Variants in SMOC2 observed in about 807,000 individuals in gnomAD.
The protein encoded by SMOC2 is SPARC-related modular calcium-binding protein 2.
A neutral mutation model predicts 61.4 loss-of-function variants in SMOC2; 39 were observed. The ratio of observed to expected loss-of-function variants is 0.64; its 90% CI spans 0.49 to 0.83. SMOC2 has a LOEUF of 0.83. Ranked by LOEUF, SMOC2 falls within the 40% of genes least tolerant of loss-of-function variation. The pLI, the probability that SMOC2 is intolerant of heterozygous loss-of-function variation, is 0.00. For missense variants in SMOC2, 556 were observed against 592.9 expected (o/e 0.94, Z 0.65); for synonymous variants, 247 against 239.9 (o/e 1.03, Z -0.27).
intron 7 of SMOC2, among the ~76,000 whole-genome samples, chr6:168,580,468 T>G (rs1784895906): frequency 6.6e-6 from 1 of 152,190 alleles, no homozygotes; most frequent in Non-Finnish European, 1.5e-5. Context: ...CTTTCCTGGC[T>G]CTGTGATCTT....
At chr6:168,528,978 G>T (rs565931920) in intron 4 of SMOC2, among the ~76,000 whole-genome samples, 1 of 152,150 alleles carries the variant, frequency 6.6e-6, no homozygotes, top group Non-Finnish European at 1.5e-5. Context: ...CTTGTTTTAC[G>T]AAGGGGAAAG....
chr6:168,477,263 G>T (rs1288950109), intron 1 of SMOC2, among the ~76,000 whole-genome samples: 1 of 152,176 alleles, frequency 6.6e-6, no homozygotes, highest in Non-Finnish European at 1.5e-5. Flanking sequence ...CCTGTGTGAG[G>T]ACTGCACATT....
chr6:168,516,296 C>A lies in SMOC2; in HGVS notation c.256+6210C>A, dbSNP rs142160743. 2.6e-4 allele frequency among the ~76,000 whole-genome samples: 39 copies of A among 150,908 alleles called. 1 individual carries two copies. The highest frequency in any genetic ancestry group is 9.3e-4 in the African/African-American group (38 of 41,040). On this transcript the variant is annotated intron_variant, in intron 2 of 12. Coordinates refer to ENST00000356284, the MANE Select transcript of SMOC2 (RefSeq NM_001166412.2). Reference sequence around the variant, plus strand: ...TTATGTTTTCAGAACTCTGCACACACATTAATATTTTTCTTTTGATCTGAG... The same window carrying A: ...TTATGTTTTCAGAACTCTGCACACAAATTAATATTTTTCTTTTGATCTGAG...
intron 9 of SMOC2, among the ~76,000 whole-genome samples, chr6:168,620,262 C>CTA (rs1352749859): frequency 6.6e-6 from 1 of 152,126 alleles, no homozygotes; most frequent in East Asian, 1.9e-4. Flanking sequence ...AATACTAAGA[C>CTA]TGCATGGTGC....
intron 9 of SMOC2, among the ~76,000 whole-genome samples, chr6:168,635,451 G>A (rs1411775028): frequency 1.3e-5 from 2 of 152,112 alleles, no homozygotes; most frequent in Admixed American, 1.3e-4. Flanking sequence ...CTCCCTGCCA[G>A]CATTTTTATT....
intron 11 of SMOC2, among the ~76,000 whole-genome samples, chr6:168,659,771 G>T (rs544338202): frequency 2.2e-4 from 31 of 142,802 alleles, no homozygotes; most frequent in African/African-American, 7.5e-4. Context: ...GTTGGGTGAG[G>T]TTGTAGATTA....
chr6:168,577,821 A>G (rs973929249), intron 7 of SMOC2, among the ~76,000 whole-genome samples: 4 of 152,182 alleles, frequency 2.6e-5, no homozygotes, highest in African/African-American at 9.6e-5. Flanking sequence ...GGAGGTGGCC[A>G]CTTGGATGTT....
intron 1 of SMOC2, among the ~76,000 whole-genome samples, chr6:168,478,202 G>T (rs73791033): frequency 0.049 from 7,411 of 152,204 alleles, 618 homozygotes; most frequent in African/African-American, 0.17. Context: ...TGGCCTTAAA[G>T]ACCTAAAGTC....
At chr6:168,518,838 CAT>C (rs1783230324) in intron 2 of SMOC2, among the ~76,000 whole-genome samples, 2 of 146,900 alleles carry the variant, frequency 1.4e-5, no homozygotes, top group East Asian at 4.1e-4. Flanking sequence ...CATGAGTGTG[CAT>C]GCGTGTGTGT....
At chr6:168,530,637 A>ACCCC (rs3064057) in intron 4 of SMOC2, among the ~76,000 whole-genome samples, 109 of 120,112 alleles carry the variant, frequency 9.1e-4, no homozygotes, top group Non-Finnish European at 1.1e-3. Flanking sequence ...TCACGGTGCA[A>ACCCC]CCCCCCCCCC....
At chr6:168,468,939 T>G (rs1781907326) in intron 1 of SMOC2, among the ~76,000 whole-genome samples, 1 of 152,270 alleles carries the variant, frequency 6.6e-6, no homozygotes, top group Non-Finnish European at 1.5e-5. Flanking sequence ...CTGTTTCTTT[T>G]CGTCTCAAGA....
intron 1 of SMOC2, among the ~76,000 whole-genome samples, chr6:168,465,535 G>C (rs917891085): frequency 2.6e-5 from 4 of 151,462 alleles, no homozygotes; most frequent in Non-Finnish European, 5.9e-5. Context: ...ATCATTCTGG[G>C]TGCAGGTGGA....
intron 10 of SMOC2, among the ~76,000 whole-genome samples, chr6:168,651,380 G>A (rs550639232): frequency 2.6e-5 from 4 of 152,024 alleles, no homozygotes; most frequent in African/African-American, 9.6e-5. Flanking sequence ...AGTGGCTTTC[G>A]GTGAATTCTC....
At chr6:168,555,913 G>A (rs1784238005) in intron 7 of SMOC2, among the ~76,000 whole-genome samples, 1 of 152,166 alleles carries the variant, frequency 6.6e-6, no homozygotes. Context: ...TACCAGCAGG[G>A]TGGGCGGCTG....
intron 4 of SMOC2, among the ~76,000 whole-genome samples, chr6:168,532,084 G>C (rs1371958886): frequency 6.6e-6 from 1 of 152,174 alleles, no homozygotes; most frequent in Non-Finnish European, 1.5e-5. Flanking sequence ...ACAGTTTAGA[G>C]ATGTATGTGC....
intron 11 of SMOC2, among the ~76,000 whole-genome samples, chr6:168,657,691 C>T (rs1787362037): frequency 6.6e-6 from 1 of 152,122 alleles, no homozygotes; most frequent in Non-Finnish European, 1.5e-5. Flanking sequence ...GGTCTAGAGG[C>T]TGGGCAGTCC....
chr6:168,597,204 G>A (rs78143959), intron 7 of SMOC2, among the ~76,000 whole-genome samples: 2,936 of 152,290 alleles, frequency 0.019, 86 homozygotes, highest in African/African-American at 0.064. Flanking sequence ...GACACAAAAC[G>A]TATGCTTTTA....
intron 9 of SMOC2, among the ~76,000 whole-genome samples, chr6:168,624,177 A>G (rs1322941992): frequency 1.3e-5 from 2 of 152,198 alleles, no homozygotes; most frequent in Non-Finnish European, 2.9e-5. Flanking sequence ...TGCTTTCCCT[A>G]TATGAGTTCA....
chr6:168,620,938 C>T (rs941295314), intron 9 of SMOC2, among the ~76,000 whole-genome samples: 68 of 149,772 alleles, frequency 4.5e-4, no homozygotes, highest in African/African-American at 1.6e-3. Flanking sequence ...GCATCAGCCG[C>T]GTGTCAAACT....
Sources: gnomAD v4.1 joint callset for allele counts (sites outside exome capture counted in the v4.1 genomes callset) on GRCh38, gnomAD v4.1.1 for gene constraint, MANE v1.5 for transcripts, NCBI Gene and HGNC (gene_info 2026-07-23, HGNC 2026-07-21) for gene names.